Variants in MYH3 observed in about 807,000 individuals in gnomAD.
MYH3 encodes myosin heavy chain 3, also known as myosin-3.
In MYH3, 130 loss-of-function variants were observed where a neutral mutation model predicts 238.0. The ratio of observed to expected loss-of-function variants is 0.55; its 90% CI spans 0.47 to 0.63. The LOEUF (loss-of-function observed/expected upper bound fraction) is 0.63. Among genes scored for constraint, MYH3 ranks in the 30% least tolerant of loss-of-function variants. MYH3 has a pLI of 0.00. For missense variants in MYH3, 1,853 were observed against 2,374.9 expected (o/e 0.78, Z 4.57); for synonymous variants, 880 against 924.1 (o/e 0.95, Z 0.86).
At chr17:10,668,539 A>T in the MYH3 span, among the ~76,000 whole-genome samples, 2 of 152,194 alleles carry the variant, frequency 1.3e-5, no homozygotes, top group Non-Finnish European at 2.9e-5. Context: ...AAGGAAAGGA[A>T]AAAAAGAACA....
chr17:10,652,267 T>G, intron 4 of MYH3, 153 bp downstream of exon 4: 2 of 989,650 alleles, frequency 2.0e-6, no homozygotes, highest in Non-Finnish European at 3.1e-6. Flanking sequence ...TCTTGCTTTC[T>G]TGCCTTCTTT....
rs1257565420 is a variant in MYH3, at chr17:10,628,532, T to C, written c.*121A>G. On this transcript the variant is annotated 3_prime_UTR_variant, in exon 41 of 41. Transcript: ENST00000583535. ...ACAAATACAGCAAAGCGGCCCCAGA[T>C]TGAAACAAAGCAAAGTTTATTGCAT... 21 of 1,181,444 alleles carry C rather than the reference T, an allele frequency of 1.8e-5. No homozygotes were observed. Among genetic ancestry groups the C allele is most frequent in the Non-Finnish European group, 2.7e-5 (21 of 788,242 alleles). 73.2% of individuals were successfully genotyped at this position (1,181,444 alleles called of 1,614,324 possible).
At position 10,635,427 on chromosome 17, in the gene MYH3, T is replaced by C; in HGVS notation, c.4112A>G (p.Gln1371Arg). 1 of 1,614,090 alleles carries C rather than the reference T, an allele frequency of 6.2e-7. No homozygotes were observed. Among genetic ancestry groups the C allele is most frequent in the Non-Finnish European group, 8.5e-7 (1 of 1,179,910 alleles). ...GTCCGTCTCGTATTTGGTTCTCCACTGGGCAACCTCACTATTGGCCTTGGA... is the reference window on the plus strand; with the variant it reads ...GTCCGTCTCGTATTTGGTTCTCCACCGGGCAACCTCACTATTGGCCTTGGA... The part of the protein sequence containing the change: ...ALSKANSEVA[Q>R]WRTKYETDAI... Residue 1371 changes from glutamine to arginine, a missense_variant, in exon 30 of 41, where the codon CAG becomes CGG. By Grantham distance (43) the Gln-to-Arg change is conservative (BLOSUM62 1). Around this residue, in one of 3 missense-constraint regions of MYH3, gnomAD observed 1,044 missense variants for 1,192.6 expected, o/e 0.88. Coordinates refer to ENST00000583535, the MANE Select transcript of MYH3 (RefSeq NM_002470.4).
Position 10,630,152 on chromosome 17 carries a change from GTTC to G in MYH3, c.5499_5501del (p.Lys1833del), listed in dbSNP as rs774448514. 7 of 1,614,198 alleles carry G rather than the reference GTTC, an allele frequency of 4.3e-6. No individual in the cohort carries two copies. The highest frequency in any genetic ancestry group is 1.3e-5 in the African/African-American group (1 of 75,030). ...TCCTCAGGCCCTTAACAGACTCTGT[GTTC>G]TTCTTCTGCTCTCCCTCAAGTTCAA... On this transcript the variant is annotated inframe_deletion, in exon 38 of 41. Transcript: ENST00000583535.
At chr17:10,652,974 C>T (rs1036543863) in intron 3 of MYH3, among the ~76,000 whole-genome samples, 3 of 151,956 alleles carry the variant, frequency 2.0e-5, no homozygotes, top group African/African-American at 7.3e-5. Flanking sequence ...ACTCTTGAGC[C>T]GAGATGGAAG....
At chr17:10,668,612 TACTC>T in the MYH3 span, among the ~76,000 whole-genome samples, 164 of 152,362 alleles carry the variant, frequency 1.1e-3, no homozygotes, top group South Asian at 2.5e-3. Context: ...TATGAAATGA[TACTC>T]ACGGAATTTG....
upstream of MYH3, among the ~76,000 whole-genome samples, chr17:10,657,549 C>G (rs1036658264): frequency 2.0e-5 from 3 of 152,196 alleles, no homozygotes; most frequent in Admixed American, 2.0e-4. Flanking sequence ...GGGGCCGGTG[C>G]TCCCTCCCCT....
At position 10,632,754 on chromosome 17, in the gene MYH3, G is replaced by T. The variant is rs2074177476; in HGVS notation, c.4678C>A (p.Leu1560Ile). ...TGTGTCAATTCAAGCTGGATTCGGA[G>T]GATCTTGGCTTCTTCATGCTCAAGA... is the stretch of plus-strand genomic sequence containing the variant. ...AALEHEEAKILRIQLELTQVK... is the reference protein window; with the variant it reads ...AALEHEEAKIIRIQLELTQVK... Residue 1560 changes from leucine (L) to isoleucine (I), a missense_variant, in exon 34 of 41, where the codon CTC becomes ATC. Leu to Ile is a conservative substitution (Grantham distance 5). This residue lies in a region of MYH3 where 1,044 missense variants were observed against 1,192.6 expected (regional missense o/e 0.88). Transcript: ENST00000583535. The T allele has an allele frequency of 2.5e-6, 4 of 1,614,192 alleles. No homozygotes were observed. The East Asian group carries it at 8.9e-5, about 36-fold the overall frequency.
At chr17:10,669,670 G>A in the MYH3 span, among the ~76,000 whole-genome samples, 13 of 152,182 alleles carry the variant, frequency 8.5e-5, no homozygotes, top group Non-Finnish European at 7.4e-5. Context: ...TTCGGAGGCC[G>A]AGATGGGAGG....
intron 5 of MYH3, 115 bp downstream of exon 5, chr17:10,651,397 C>T: frequency 1.3e-6 from 2 of 1,578,512 alleles, no homozygotes; most frequent in Non-Finnish European, 8.7e-7. Flanking sequence ...CTCCTTCTTC[C>T]TCCTTTCCCT....
At chr17:10,667,747 A>C in the MYH3 span, among the ~76,000 whole-genome samples, 1 of 151,888 alleles carries the variant, frequency 6.6e-6, no homozygotes, top group East Asian at 1.9e-4. Context: ...TCCAGGATAT[A>C]GCGTTAAAAA....
At position 10,651,600 on chromosome 17, in the gene MYH3, C is replaced by G. The variant is rs942862860; in HGVS notation, c.417G>C (p.Val139=). Residue 139 remains valine, a synonymous_variant, in exon 5 of 41, where the codon GTG becomes GTC. Coordinates refer to ENST00000583535, the MANE Select transcript of MYH3 (RefSeq NM_002470.4). ...YKWLPVYNPE[V]VEGYRGKKRQ... is the part of the protein sequence containing the mutation. The stretch of plus-strand genomic sequence containing the variant: ...GCTTTTTGCCTCGGTAGCCTTCCAC[C>G]ACCTCGGGGTTGTACACCGGCAGCC... The G allele has an allele frequency of 3.5e-5, 56 of 1,613,982 alleles. No homozygotes were observed. Among genetic ancestry groups the G allele is most frequent in the Non-Finnish European group, 4.5e-5 (53 of 1,180,008 alleles).
At position 10,642,688 on chromosome 17, in the gene MYH3, G is replaced by A. The variant is rs1195408118; in HGVS notation, c.1617C>T (p.Cys539=). ...AGGTGTCTGTTGCCTTGGGGAACAT[G>A]CACTCCTCTTCCAGGATGGAGAAGA... is the stretch of plus-strand genomic sequence containing the variant. ...MGIFSILEEE[C]MFPKATDTSF... is the part of the protein sequence containing the mutation. The change falls in exon 16 of 41, where the codon TGC becomes TGT. Residue 539 remains cysteine (C), a synonymous_variant. Coordinates refer to ENST00000583535, the MANE Select transcript of MYH3 (RefSeq NM_002470.4). The surrounding 1 kb of genome is among the most constrained non-coding windows in gnomAD (Gnocchi z 5.4). 2 of 1,614,238 alleles carry A rather than the reference G, an allele frequency of 1.2e-6. No individual in the cohort carries two copies. Among genetic ancestry groups the A allele is most frequent in the Admixed American group, 1.7e-5 (1 of 60,028 alleles).
chr17:10,634,752 T>A, intron 31 of MYH3, 88 bp downstream of exon 31: 2 of 1,528,858 alleles, frequency 1.3e-6, no homozygotes, highest in Non-Finnish European at 1.8e-6. Context: ...GAGGGCAGAG[T>A]CAGGTCCGGG....
At chr17:10,641,505 TG>T (rs2074271791) in intron 17 of MYH3, 133 bp from the exon 18 acceptor site, 2 of 91,810 alleles carry the variant, frequency 2.2e-5, no homozygotes, top group South Asian at 8.7e-5. Context: ...GATTTAACTC[TG>T]TCTTTTTTTT....
intron 12 of MYH3, among the ~76,000 whole-genome samples, chr17:10,645,242 C>T (rs991056888): frequency 6.6e-6 from 1 of 152,090 alleles, no homozygotes; most frequent in Non-Finnish European, 1.5e-5. Context: ...TGAGCCTGGC[C>T]AACATGGTGA....
At chr17:10,659,116 C>A (rs370817671), upstream of MYH3, 1 of 152,192 alleles carries the variant, frequency 6.6e-6, no homozygotes, top group East Asian at 1.9e-4. Flanking sequence ...ACAGGAGGAA[C>A]TGTGTGGAAA....
chr17:10,677,639 TAA>T, the MYH3 span: 1 of 152,228 alleles, frequency 6.6e-6, no homozygotes, highest in African/African-American at 2.4e-5. Context: ...CTCTTACACT[TAA>T]GATATCAGCT....
At chr17:10,673,580 C>T in the MYH3 span, 4 of 152,182 alleles carry the variant, frequency 2.6e-5, no homozygotes, top group Non-Finnish European at 5.9e-5. Context: ...TTAGCAGAGC[C>T]TGGGCTGACA....
Sources: gnomAD v4.1 joint callset for allele counts (sites outside exome capture counted in the v4.1 genomes callset) on GRCh38, gnomAD v4.1.1 for gene constraint, gnomAD v4.1.1 regional missense constraint, Gnocchi (gnomAD v3.1) non-coding constraint, MANE v1.5 for transcripts, NCBI Gene and HGNC (gene_info 2026-07-23, HGNC 2026-07-21) for gene names.